The following CLSTN1 variants were observed in gnomAD, a reference collection of about 807,000 sequenced individuals.
CLSTN1 encodes the protein calsyntenin 1.
In CLSTN1, 28 loss-of-function variants were observed where a neutral mutation model predicts 108.3. The ratio of observed to expected loss-of-function variants is 0.26; its 90% CI spans 0.19 to 0.35. The LOEUF (loss-of-function observed/expected upper bound fraction) is 0.35. CLSTN1 is among the 10% of genes least tolerant of loss of function. The pLI, the probability that CLSTN1 is intolerant of heterozygous loss-of-function variation, is 1.00. For synonymous variants in CLSTN1, 524 were observed against 534.9 expected, an observed-to-expected ratio of 0.98 and a Z score of 0.28; for missense variants, 1,157 against 1,302.6, an observed-to-expected ratio of 0.89 and a Z score of 1.72.
rs1404814968 is a variant in CLSTN1, at chr1:9,737,465, A to G, written c.1576+33T>C. On this transcript the variant is annotated intron_variant, in intron 11 of 18. Coordinates refer to ENST00000377298, the MANE Select transcript of CLSTN1 (RefSeq NM_001009566.3). ...AATCAGTCTCATCTTTAAATGAAACACAATAGTGAATGTAGGGAAAAAATC... is the reference window on the plus strand; with the variant it reads ...AATCAGTCTCATCTTTAAATGAAACGCAATAGTGAATGTAGGGAAAAAATC... 1.9e-6 allele frequency: 3 copies of G among 1,593,832 alleles called. No individual in the cohort carries two copies. The East Asian group carries it at 6.7e-5, about 36-fold the overall frequency.
chr1:9,740,163 G>A (rs548750940), intron 10 of CLSTN1, among the ~76,000 whole-genome samples: 92 of 149,222 alleles, frequency 6.2e-4, no homozygotes, highest in African/African-American at 2.3e-3. Context: ...GGGTTCAACC[G>A]ATTCTCCTGC....
At chr1:9,813,301 C>T (rs1654841673) in intron 1 of CLSTN1, among the ~76,000 whole-genome samples, 1 of 151,772 alleles carries the variant, frequency 6.6e-6, no homozygotes. Context: ...AGTTCAAGAC[C>T]GTCCTGGGCA....
intron 2 of CLSTN1, among the ~76,000 whole-genome samples, chr1:9,771,564 A>T (rs1029646311): frequency 2.0e-5 from 3 of 152,154 alleles, no homozygotes; most frequent in Non-Finnish European, 4.4e-5. Flanking sequence ...CAGTGAGCTG[A>T]GATTGCACCA....
chr1:9,754,546 G>A (rs576440624), intron 4 of CLSTN1, among the ~76,000 whole-genome samples: 95 of 151,142 alleles, frequency 6.3e-4, no homozygotes, highest in South Asian at 3.2e-3. Flanking sequence ...GTGAAACAGC[G>A]AAACTCCATC....
intron 7 of CLSTN1, among the ~76,000 whole-genome samples, chr1:9,747,809 C>T (rs559838684): frequency 5.9e-5 from 9 of 152,062 alleles, no homozygotes; most frequent in African/African-American, 1.9e-4. Flanking sequence ...TTTGGGAGGC[C>T]GAGGTGGGCG....
chr1:9,784,996 C>CTTTTTTT (rs549145155), intron 1 of CLSTN1, among the ~76,000 whole-genome samples: 1 of 133,470 alleles, frequency 7.5e-6, no homozygotes, highest in Non-Finnish European at 1.6e-5. Context: ...GTCATAAATT[C>CTTTTTTT]TTTTTTTTTT....
intron 1 of CLSTN1, among the ~76,000 whole-genome samples, chr1:9,801,058 C>A (rs1654243766): frequency 1.3e-5 from 2 of 151,960 alleles, no homozygotes; most frequent in African/African-American, 4.8e-5. Context: ...ACCACCCTGA[C>A]CAACATGGAG....
chr1:9,730,427 A>T lies in CLSTN1; in HGVS notation c.*81T>A. 1 of 1,343,322 alleles carries T rather than the reference A, an allele frequency of 7.4e-7. No homozygotes were observed. Among genetic ancestry groups the T allele is most frequent in the Non-Finnish European group, 1.1e-6 (1 of 952,158 alleles). 83.2% of individuals were successfully genotyped at this position (1,343,322 alleles called of 1,614,324 possible). A position where few individuals can be genotyped will look rare whatever the true frequency, so the allele number is the denominator to read the frequency against. ...CACCTACTGGCCGAAATGACTTTGTACATCGTGGACCCTTGGGACTGGGAG... is the reference window on the plus strand; with the variant it reads ...CACCTACTGGCCGAAATGACTTTGTTCATCGTGGACCCTTGGGACTGGGAG... On this transcript the variant is annotated 3_prime_UTR_variant, in exon 19 of 19. Coordinates refer to ENST00000377298, the MANE Select transcript of CLSTN1 (RefSeq NM_001009566.3). The surrounding 1 kb of genome is among the most constrained non-coding windows in gnomAD (Gnocchi z 5.6).
chr1:9,737,514 C>T lies in CLSTN1; in HGVS notation c.1560G>A (p.Val520=), dbSNP rs768752395. The T allele has an allele frequency of 5.0e-6, 8 of 1,614,030 alleles. No homozygotes were observed. The South Asian group carries it at 6.6e-5, about 13-fold the overall frequency. Residue 520 remains valine (V), a synonymous_variant, in exon 11 of 19, where the codon GTG becomes GTA. Coordinates refer to ENST00000377298, the MANE Select transcript of CLSTN1 (RefSeq NM_001009566.3). ...GVENDNETEP[V]TVASAGGDLH... is the part of the protein sequence containing the mutation. Reference sequence around the variant, plus strand: ...TCCAGCAACCTGCAGAGGCCACAGTCACAGGCTCAGTTTCATTGTCATTTT... The same window carrying T: ...TCCAGCAACCTGCAGAGGCCACAGTTACAGGCTCAGTTTCATTGTCATTTT...
chr1:9,753,332 G>A (rs145319717), intron 4 of CLSTN1, among the ~76,000 whole-genome samples: 3 of 152,158 alleles, frequency 2.0e-5, no homozygotes, highest in African/African-American at 7.2e-5. Context: ...AACAGGCCAC[G>A]GACCAGTACT....
intron 2 of CLSTN1, among the ~76,000 whole-genome samples, chr1:9,767,954 A>G (rs1036465120): frequency 2.0e-5 from 3 of 152,326 alleles, no homozygotes; most frequent in African/African-American, 4.8e-5. Context: ...CTTCACACGT[A>G]TGAATAAAGA....
In CLSTN1 at chr1:9,731,369, A is replaced by G. The variant is rs1650380272; in HGVS notation, c.2585T>C (p.Val862Ala). The G allele has an allele frequency of 6.2e-7, 1 of 1,614,034 alleles. No homozygotes were observed. Among genetic ancestry groups the G allele is most frequent in the Admixed American group, 1.7e-5 (1 of 60,006 alleles). ...GAAGCTGACGCACACCACGATCACA[A>G]CTGTCGCAGTGCTGGGGACGACTGT... is the stretch of plus-strand genomic sequence containing the variant. The part of the protein sequence containing the change: ...PFAVVPSTAT[V>A]VIVVCVSFLV... The change falls in exon 18 of 19, where the codon GTT becomes GCT. Residue 862 changes from valine (V) to alanine (A), a missense_variant. Coordinates refer to ENST00000377298, the MANE Select transcript of CLSTN1 (RefSeq NM_001009566.3).
intron 2 of CLSTN1, among the ~76,000 whole-genome samples, chr1:9,768,936 AGAGG>A (rs769743521): frequency 1.9e-4 from 22 of 114,112 alleles, no homozygotes; most frequent in Admixed American, 1.5e-3. Flanking sequence ...AGAAAGGGAA[AGAGG>A]GAGGGAGGGA....
intron 1 of CLSTN1, among the ~76,000 whole-genome samples, chr1:9,806,133 T>C (rs1230727027): frequency 6.7e-6 from 1 of 149,312 alleles, no homozygotes; most frequent in Non-Finnish European, 1.5e-5. Context: ...CTACTAAAAA[T>C]ACAAAAATTA....
At position 9,730,841 on chromosome 1, in the gene CLSTN1, C is replaced by G; in HGVS notation, c.2749-136G>C. The G allele has an allele frequency of 1.2e-6, 1 of 823,286 alleles. No homozygotes were observed. Among genetic ancestry groups the G allele is most frequent in the Non-Finnish European group, 1.9e-6 (1 of 521,404 alleles). 51.0% of individuals were successfully genotyped at this position (823,286 alleles called of 1,614,324 possible). A position where few individuals can be genotyped will look rare whatever the true frequency, so the allele number is the denominator to read the frequency against. On this transcript the variant is annotated intron_variant, in intron 18 of 18. Transcript: ENST00000377298. This position sits in a 1 kb window ranked among gnomAD's most constrained non-coding sequence, Gnocchi z 5.6. The stretch of plus-strand genomic sequence containing the variant: ...CTCCCCAGCGACAGAGCAGCCAGGA[C>G]GGCACCGGAAGTTATATTAGAAGTG...
intron 1 of CLSTN1, among the ~76,000 whole-genome samples, chr1:9,778,395 G>C (rs1420373916): frequency 1.3e-5 from 2 of 152,170 alleles, no homozygotes; most frequent in Admixed American, 6.6e-5. Context: ...AATCAGATCA[G>C]TTGCCCTGAT....
Position 9,735,075 on chromosome 1 carries a change from G to A in CLSTN1, c.1983C>T (p.His661=). The A allele has an allele frequency of 6.2e-7, 1 of 1,614,226 alleles. No homozygotes were observed. The highest frequency in any genetic ancestry group is 8.5e-7 in the Non-Finnish European group (1 of 1,180,044). Residue 661 remains histidine, a synonymous_variant, in exon 14 of 19, where the codon CAC becomes CAT. Transcript: ENST00000377298. ...EEPKISLSGV[H]HFARAASEFE... is the part of the protein sequence containing the mutation. ...ATTCAGAAGCTGCTCGGGCAAAATG[G>A]TGGACGCCACTCAGGCTGATCTTGG...
At position 9,757,875 on chromosome 1, in the gene CLSTN1, G is replaced by A. The variant is rs151117060; in HGVS notation, c.215-1365C>T. On this transcript the variant is annotated intron_variant, in intron 2 of 18. Transcript: ENST00000377298. ...ACCTTCTCTCCCCCAAAGGTAACAC[G>A]ACCTGAATTCCCTTGCTTTGCTAAT... Among the ~76,000 whole-genome samples, 1,462 of 152,214 alleles carry A rather than the reference G, an allele frequency of 9.6e-3. 15 individuals carry two copies. The highest frequency in any genetic ancestry group is 0.022 in the South Asian group (107 of 4,824).
At chr1:9,792,584 G>A (rs1466972140) in intron 1 of CLSTN1, among the ~76,000 whole-genome samples, 2 of 151,400 alleles carry the variant, frequency 1.3e-5, no homozygotes, top group Non-Finnish European at 2.9e-5. Flanking sequence ...TAATTACCAG[G>A]GACACAGACT....
Sources: gnomAD v4.1 joint callset for allele counts (sites outside exome capture counted in the v4.1 genomes callset) on GRCh38, gnomAD v4.1.1 for gene constraint, Gnocchi (gnomAD v3.1) non-coding constraint, MANE v1.5 for transcripts, NCBI Gene and HGNC (gene_info 2026-07-23, HGNC 2026-07-21) for gene names.